CEMIP2: variants seen among roughly 807,000 people sequenced by gnomAD.
CEMIP2 encodes cell surface hyaluronidase CEMIP2.
Under a neutral mutation model 146.9 loss-of-function variants are expected in CEMIP2, and 79 were observed. The ratio of observed to expected loss-of-function variants is 0.54; its 90% confidence interval spans 0.45 to 0.65. The LOEUF is 0.65. Ranked by LOEUF, CEMIP2 falls within the 30% of genes least tolerant of loss-of-function variation. The pLI is 0.00. For synonymous variants in CEMIP2, 601 were observed against 606.3 expected (o/e 0.99, Z 0.13); for missense variants, 1,596 against 1,696.2 (o/e 0.94, Z 1.04).
intron 22 of CEMIP2, chr9:71,686,541 TC>T (rs1822066026): frequency 6.6e-6 from 1 of 152,162 alleles, no homozygotes; most frequent in African/African-American, 2.4e-5. Context: ...TCACCTCCAG[TC>T]CATGGAAAAA....
intron 10 of CEMIP2, among the ~76,000 whole-genome samples, chr9:71,728,924 T>G (rs1279345136): frequency 6.6e-6 from 1 of 151,752 alleles, no homozygotes; most frequent in East Asian, 1.9e-4. Flanking sequence ...CTCCACCTCC[T>G]GGGCTCAAGT....
chr9:71,762,827 A>G (rs1824676204), intron 1 of CEMIP2, among the ~76,000 whole-genome samples: 1 of 152,148 alleles, frequency 6.6e-6, no homozygotes, highest in Admixed American at 6.5e-5. Context: ...CCTGGGCAAC[A>G]TGGTGAAACC....
At chr9:71,689,662 AG>A (rs1589123929) in intron 22 of CEMIP2, among the ~76,000 whole-genome samples, 2 of 152,234 alleles carry the variant, frequency 1.3e-5, no homozygotes, top group Admixed American at 1.3e-4. Flanking sequence ...AGGGTTGCAA[AG>A]GTAAACTGCC....
intron 21 of CEMIP2, among the ~76,000 whole-genome samples, chr9:71,693,862 T>C (rs938375562): frequency 6.6e-6 from 1 of 152,164 alleles, no homozygotes; most frequent in African/African-American, 2.4e-5. Context: ...AAGGTAACAG[T>C]ATTAGCAGGT....
At chr9:71,699,444 C>T in intron 19 of CEMIP2, 1 of 385,736 alleles carries the variant, frequency 2.6e-6, no homozygotes, top group South Asian at 1.7e-5. Context: ...TAGGGATACA[C>T]CGTCTCTTAA....
At chr9:71,717,797 T>G in intron 13 of CEMIP2, 151 bp downstream of exon 13, 3 of 715,186 alleles carry the variant, frequency 4.2e-6, no homozygotes, top group Non-Finnish European at 6.2e-6. Flanking sequence ...GTCTTTTAAC[T>G]CTAGCATACT....
intron 1 of CEMIP2, among the ~76,000 whole-genome samples, chr9:71,766,398 G>A (rs1330184854): frequency 6.6e-6 from 1 of 152,112 alleles, no homozygotes; most frequent in South Asian, 2.1e-4. Context: ...CTAAAATGTG[G>A]CTTGTCTTTC....
At position 71,720,751 on chromosome 9, in the gene CEMIP2, T is replaced by C. The variant is rs184302775; in HGVS notation, c.2267+1676A>G. On this transcript the variant is annotated intron_variant, in intron 12 of 23. Transcript: ENST00000377044. ...AATTGCATGAATATATATATGAGCATAGTCTAAACACTAGTTCAGTATATG... is the reference window on the plus strand; with the variant it reads ...AATTGCATGAATATATATATGAGCACAGTCTAAACACTAGTTCAGTATATG... Among the ~76,000 whole-genome samples the C allele has an allele frequency of 1.5e-4, 23 of 152,378 alleles. No individual in the cohort carries two copies. In the East Asian group the frequency reaches 4.2e-3, roughly 28 times the overall value.
intron 14 of CEMIP2, among the ~76,000 whole-genome samples, chr9:71,716,142 G>A (rs1045825500): frequency 1.3e-5 from 2 of 151,956 alleles, no homozygotes; most frequent in African/African-American, 4.8e-5. Context: ...AGTTCTTAAA[G>A]AACTAAACTT....
intron 5 of CEMIP2, among the ~76,000 whole-genome samples, chr9:71,738,655 T>C (rs12338852): frequency 0.086 from 13,056 of 151,730 alleles, 956 homozygotes; most frequent in African/African-American, 0.18. Flanking sequence ...CTGGCCAAGA[T>C]GGTGAAACCC....
intron 4 of CEMIP2, among the ~76,000 whole-genome samples, chr9:71,740,835 T>C (rs991297236): frequency 2.0e-5 from 3 of 152,262 alleles, no homozygotes. Context: ...AAACCACTGA[T>C]TTGGGCAGTG....
At chr9:71,728,266 T>C (rs1823474682) in intron 10 of CEMIP2, among the ~76,000 whole-genome samples, 1 of 9,498 alleles carries the variant, frequency 1.1e-4, no homozygotes, top group African/African-American at 1.8e-4. Flanking sequence ...TACACGTATA[T>C]ATATATATAT....
intron 1 of CEMIP2, among the ~76,000 whole-genome samples, chr9:71,759,867 T>C (rs1824577620): frequency 7.5e-6 from 1 of 133,594 alleles, no homozygotes; most frequent in African/African-American, 2.5e-5. Flanking sequence ...ATCTTTGTAG[T>C]AGGGGAAAAG....
chr9:71,696,282 A>G (rs1822398302), intron 20 of CEMIP2, among the ~76,000 whole-genome samples: 1 of 152,174 alleles, frequency 6.6e-6, no homozygotes, highest in Non-Finnish European at 1.5e-5. Context: ...CCCCACAAAG[A>G]CTACCTCAAA....
At chr9:71,739,027 G>A (rs1171853841) in intron 5 of CEMIP2, among the ~76,000 whole-genome samples, 1 of 151,790 alleles carries the variant, frequency 6.6e-6, no homozygotes, top group Non-Finnish European at 1.5e-5. Flanking sequence ...CTACTGAATG[G>A]GAAACATAAA....
chr9:71,730,292 G>T lies in CEMIP2; in HGVS notation c.1774-39C>A, dbSNP rs779656120. On this transcript the variant is annotated intron_variant, in intron 8 of 23. Coordinates refer to ENST00000377044, the MANE Select transcript of CEMIP2 (RefSeq NM_013390.3). ...AGTATATTAATGTCATTGGTAACAA[G>T]AATGATTGTGATTTAAGTGACAAGC... is the stretch of plus-strand genomic sequence containing the variant. The T allele has an allele frequency of 2.5e-6, 4 of 1,584,338 alleles. No individual in the cohort carries two copies. The East Asian group carries it at 9.0e-5, about 36-fold the overall frequency.
intron 1 of CEMIP2, among the ~76,000 whole-genome samples, chr9:71,766,060 CTTCTTTTTT>C (rs1264093281): frequency 1.3e-5 from 2 of 150,850 alleles, no homozygotes; most frequent in South Asian, 2.1e-4. Context: ...ATTATTGTTT[CTTCTTTTTT>C]TTCTTTTTTT....
At position 71,718,082 on chromosome 9, in the gene CEMIP2, A is replaced by G. The variant is rs1317798350; in HGVS notation, c.2268-3T>C. 1 of 1,594,872 alleles carries G rather than the reference A, an allele frequency of 6.3e-7. No individual in the cohort carries two copies. Among genetic ancestry groups the G allele is most frequent in the Non-Finnish European group, 8.5e-7 (1 of 1,171,916 alleles). ...TTGCATCCTGATGAGGTCGAAATCT[A>G]GGGGTTAAAAAAAGAATTTTAAAAA... On this transcript the variant is annotated splice_polypyrimidine_tract_variant and splice_region_variant and intron_variant, in intron 12 of 23. Transcript: ENST00000377044.
rs533932834 is a variant in CEMIP2, at chr9:71,761,174, T to C, written c.-13+7183A>G. Among the ~76,000 whole-genome samples, 5 of 152,342 alleles carry C rather than the reference T, an allele frequency of 3.3e-5. No homozygotes were observed. The South Asian group carries it at 1.0e-3, about 32-fold the overall frequency. On this transcript the variant is annotated intron_variant, in intron 1 of 23. Coordinates refer to ENST00000377044, the MANE Select transcript of CEMIP2 (RefSeq NM_013390.3). ...CGAAGTCTGTCCTGACAGAGGCTGA[T>C]TTAATTAAGGTTATAGCAAAGGGCA...
Sources: allele counts gnomAD v4.1 joint callset (sites outside exome capture counted in the v4.1 genomes callset), GRCh38; gene constraint gnomAD v4.1.1; transcripts MANE v1.5; gene names NCBI Gene and HGNC (gene_info 2026-07-23, HGNC 2026-07-21).